CRACDL: variants seen among roughly 807,000 people sequenced by gnomAD.
The protein encoded by CRACDL is CRACD-like protein.
In CRACDL, 26 loss-of-function variants were observed where a neutral mutation model predicts 70.6. The observed-to-expected ratio is 0.37, with a 90% CI of 0.27 to 0.51. The LOEUF (loss-of-function observed/expected upper bound fraction) is 0.51, where lower values mean the gene tolerates loss of function less well. Among genes scored for constraint, CRACDL ranks in the 20% least tolerant of loss-of-function variants. The pLI, the probability that CRACDL is intolerant of heterozygous loss-of-function variation, is 0.94. For missense variants in CRACDL, 1,283 were observed against 1,376.9 expected (o/e 0.93, Z 1.08); for synonymous variants, 618 against 615.2 (o/e 1.00, Z -0.07).
At chr2:98,907,762 T>C (rs72957654) in intron 1 of CRACDL, among the ~76,000 whole-genome samples, 1,597 of 152,310 alleles carry the variant, frequency 0.01, 34 homozygotes, top group East Asian at 0.075. Flanking sequence ...AATATCACAA[T>C]TGCTTGGGAA....
intron 1 of CRACDL, among the ~76,000 whole-genome samples, chr2:98,860,654 G>A (rs1481367077): frequency 6.6e-6 from 1 of 152,156 alleles, no homozygotes; most frequent in Non-Finnish European, 1.5e-5. Context: ...AATTGTAAGT[G>A]CTAAAACTAT....
chr2:98,809,542 G>A (rs749043806), intron 7 of CRACDL, among the ~76,000 whole-genome samples: 2 of 152,150 alleles, frequency 1.3e-5, no homozygotes, highest in Non-Finnish European at 2.9e-5. Context: ...CTCTGCATGA[G>A]GGAAGTTTCC....
chr2:98,875,462 A>G (rs1707464728), intron 1 of CRACDL, among the ~76,000 whole-genome samples: 2 of 152,380 alleles, frequency 1.3e-5, no homozygotes, highest in South Asian at 4.1e-4. Context: ...CACATCTGTC[A>G]GTCGCTCTGT....
intron 1 of CRACDL, among the ~76,000 whole-genome samples, chr2:98,862,704 T>C (rs1245892495): frequency 6.6e-6 from 1 of 151,944 alleles, no homozygotes; most frequent in East Asian, 1.9e-4. Flanking sequence ...ATCTGCAAAC[T>C]TGAAGATATA....
chr2:98,849,626 C>G (rs1706402721), intron 1 of CRACDL, among the ~76,000 whole-genome samples: 1 of 151,758 alleles, frequency 6.6e-6, no homozygotes, highest in South Asian at 2.1e-4. Context: ...GGTCCTTCCA[C>G]CCTACTCTCA....
chr2:98,906,451 G>A (rs562213899), intron 1 of CRACDL, among the ~76,000 whole-genome samples: 3 of 151,886 alleles, frequency 2.0e-5, no homozygotes, highest in South Asian at 2.1e-4. Flanking sequence ...TAGTACAGAC[G>A]GGGTTTTGCC....
At chr2:98,927,307 C>A (rs1277552777) in intron 1 of CRACDL, among the ~76,000 whole-genome samples, 1 of 152,228 alleles carries the variant, frequency 6.6e-6, no homozygotes, top group African/African-American at 2.4e-5. Context: ...CAGTTACCGG[C>A]GGGCCAGCTC....
intron 1 of CRACDL, among the ~76,000 whole-genome samples, chr2:98,903,830 C>A (rs1708343086): frequency 6.6e-6 from 1 of 152,240 alleles, no homozygotes; most frequent in Non-Finnish European, 1.5e-5. Flanking sequence ...GATCATCCTT[C>A]AACATGCACA....
chr2:98,822,581 G>A lies in CRACDL; in HGVS notation c.1692C>T (p.Gly564=), dbSNP rs771962678. 2.0e-4 allele frequency: 296 copies of A among 1,445,414 alleles called. No homozygotes were observed. Among genetic ancestry groups the A allele is most frequent in the Non-Finnish European group, 2.6e-4 (285 of 1,105,672 alleles). The allele number at this position is 1,445,414 out of a possible 1,614,324, so 89.5% of individuals were successfully genotyped here. A position where few individuals can be genotyped will look rare whatever the true frequency, so the allele number is the denominator to read the frequency against. ...RAAPERKAER[G]GAELRGAKKF... ...TCTTCGCGCCTCGCAGCTCGGCACC[G>A]CCCCTCTCCGCCTTCCGCTCTGGCG... Residue 564 remains glycine, a synonymous_variant, in exon 7 of 10, where the codon GGC becomes GGT. Coordinates refer to ENST00000397899, the MANE Select transcript of CRACDL (RefSeq NM_207362.3). This position sits in a 1 kb window ranked among gnomAD's most constrained non-coding sequence, Gnocchi z 4.9.
At chr2:98,919,624 G>A (rs1341586546) in intron 1 of CRACDL, among the ~76,000 whole-genome samples, 1 of 152,080 alleles carries the variant, frequency 6.6e-6, no homozygotes, top group Non-Finnish European at 1.5e-5. Context: ...TATGAGCAAG[G>A]GGCTTGATGG....
In CRACDL at chr2:98,794,067, C is replaced by T. The variant is rs1703702029; in HGVS notation, c.*465G>A. 2 of 152,860 alleles carry T rather than the reference C, an allele frequency of 1.3e-5. No homozygotes were observed. Among genetic ancestry groups the T allele is most frequent in the Non-Finnish European group, 2.9e-5 (2 of 68,260 alleles). 9.5% of individuals were successfully genotyped at this position (152,860 alleles called of 1,614,324 possible). A position where few individuals can be genotyped will look rare whatever the true frequency, so the allele number is the denominator to read the frequency against. ...TCCCTGTTTTGCCATGAATGTCATG[C>T]CTCGTAGTAAACATGAAAGAAGACA... On this transcript the variant is annotated 3_prime_UTR_variant, in exon 10 of 10. Transcript: ENST00000397899.
intron 1 of CRACDL, among the ~76,000 whole-genome samples, chr2:98,914,355 A>G (rs1221425665): frequency 6.6e-6 from 1 of 150,802 alleles, no homozygotes; most frequent in Non-Finnish European, 1.5e-5. Flanking sequence ...CTACCCCCTC[A>G]CTCCCTCCAC....
intron 7 of CRACDL, among the ~76,000 whole-genome samples, chr2:98,809,482 G>A (rs1279315294): frequency 1.3e-5 from 2 of 152,068 alleles, no homozygotes; most frequent in African/African-American, 4.8e-5. Flanking sequence ...CCAACTGCAG[G>A]GCACATCTGT....
chr2:98,896,632 TG>T, intron 1 of CRACDL, among the ~76,000 whole-genome samples: 1 of 152,280 alleles, frequency 6.6e-6, no homozygotes, highest in East Asian at 1.9e-4. Context: ...AGCCCTAGGC[TG>T]GGGATGTGTT....
chr2:98,893,202 GGTCACTAGATCCA>G (rs140668261), intron 1 of CRACDL, among the ~76,000 whole-genome samples: 59,335 of 151,780 alleles, frequency 0.39, 12,411 homozygotes, highest in African/African-American at 0.54. Context: ...GCAGGCTGGA[GGTCACTAGATCCA>G]GTCTGCCTTC....
intron 2 of CRACDL, among the ~76,000 whole-genome samples, chr2:98,842,470 G>T (rs12712034): frequency 1.3e-5 from 2 of 151,688 alleles, no homozygotes; most frequent in Non-Finnish European, 2.9e-5. Flanking sequence ...AATTACACAC[G>T]GTAAAATTCA....
intron 6 of CRACDL, among the ~76,000 whole-genome samples, chr2:98,825,002 C>T (rs531183367): frequency 6.6e-6 from 1 of 152,278 alleles, no homozygotes; most frequent in East Asian, 1.9e-4. Flanking sequence ...GTCACAGAGC[C>T]CACACAAGGC....
At chr2:98,916,504 T>TG (rs34120122) in intron 1 of CRACDL, among the ~76,000 whole-genome samples, 56,793 of 148,926 alleles carry the variant, frequency 0.38, 11,044 homozygotes, top group Admixed American at 0.51. Context: ...TCAATAAAGC[T>TG]GTTTTTTTTA....
At position 98,823,219 on chromosome 2, in the gene CRACDL, C is replaced by G; in HGVS notation, c.1054G>C (p.Val352Leu). 1 of 1,419,266 alleles carries G rather than the reference C, an allele frequency of 7.0e-7. No homozygotes were observed. Among genetic ancestry groups the G allele is most frequent in the Non-Finnish European group, 9.2e-7 (1 of 1,089,334 alleles). The allele number at this position is 1,419,266 out of a possible 1,614,324, so 87.9% of individuals were successfully genotyped here. Residue 352 changes from valine to leucine, a missense_variant, in exon 7 of 10, where the codon GTG (valine) becomes CTG (leucine). Transcript: ENST00000397899. This position sits in a 1 kb window ranked among gnomAD's most constrained non-coding sequence, Gnocchi z 4.0. ...AEPESAPTLR[V>L]EPPSPPEGPP... ...CCCTCCGGCGGGGACGGGGGCTCCA[C>G]GCGGAGAGTGGGGGCCGACTCGGGC... is the stretch of plus-strand genomic sequence containing the variant.
Sources: gnomAD v4.1 joint callset for allele counts (sites outside exome capture counted in the v4.1 genomes callset) on GRCh38, gnomAD v4.1.1 for gene constraint, Gnocchi (gnomAD v3.1) non-coding constraint, MANE v1.5 for transcripts, NCBI Gene and HGNC (gene_info 2026-07-23, HGNC 2026-07-21) for gene names.